USP36: variants seen among roughly 807,000 people sequenced by gnomAD.
USP36 encodes the protein ubiquitin carboxyl-terminal hydrolase 36.
USP36 carries 59 observed loss-of-function variants against 111.5 expected under a neutral mutation model. That is an observed-to-expected ratio of 0.53 (90% CI 0.43 to 0.66). The LOEUF is 0.66. Among genes scored for constraint, USP36 ranks in the 30% least tolerant of loss-of-function variants. The pLI is 0.00. For missense variants in USP36, 1,488 were observed against 1,468.0 expected (o/e 1.01, Z -0.22); for synonymous variants, 628 against 581.0 (o/e 1.08, Z -1.16).
chr17:78,806,335 C>T (rs200961471), intron 14 of USP36, 49 bp from the exon 15 acceptor site: 67 of 1,608,582 alleles, frequency 4.2e-5, no homozygotes, highest in African/African-American at 2.3e-4. Context: ...AAAAGGTTTC[C>T]GTGAGTGAAG....
At position 78,805,786 on chromosome 17, in the gene USP36, C is replaced by T. The variant is rs75241026; in HGVS notation, c.2216+370G>A. On this transcript the variant is annotated intron_variant, in intron 15 of 20. Transcript: ENST00000449938. ...GGACTCCGAGCTCACTCAAGCCTCT[C>T]GCCAAGGCCTCACTTCGCCTTTCTC... Among the ~76,000 whole-genome samples the T allele has an allele frequency of 8.8e-3, 1,334 of 152,318 alleles. 23 individuals are homozygous for T. The highest frequency in any genetic ancestry group is 0.03 in the African/African-American group (1,266 of 41,564).
intron 13 of USP36, among the ~76,000 whole-genome samples, chr17:78,811,488 A>T (rs896361711): frequency 3.3e-5 from 5 of 152,348 alleles, no homozygotes; most frequent in African/African-American, 1.2e-4. Context: ...ATTTCCAAAG[A>T]ACAAAGACAC....
In USP36 at chr17:78,828,751, T is replaced by C. The variant is rs1056861928; in HGVS notation, c.586+146A>G. 6.8e-6 allele frequency: 5 copies of C among 737,130 alleles called. No individual in the cohort carries two copies. The African/African-American group carries it at 8.9e-5, about 13-fold the overall frequency. 45.7% of individuals were successfully genotyped at this position (737,130 alleles called of 1,614,324 possible). ...ATGGCACAGTGGCTCGTGTCTGTAA[T>C]CCCAACACTTTGGCAGGCCAAAACG... On this transcript the variant is annotated intron_variant, in intron 5 of 20. Transcript: ENST00000449938.
In USP36 at chr17:78,798,653, A is replaced by C; in HGVS notation, c.3241-102T>G. On this transcript the variant is annotated intron_variant, in intron 19 of 20. Transcript: ENST00000449938. This position sits in a 1 kb window ranked among gnomAD's most constrained non-coding sequence, Gnocchi z 5.1. ...GGTCCTGCACACAGGCCGGGCTCTC[A>C]TGAGCTCTCTGGAGACCCACTCTTC... The C allele has an allele frequency of 2.3e-5, 35 of 1,551,470 alleles. No homozygotes were observed. Among genetic ancestry groups the C allele is most frequent in the African/African-American group, 4.1e-5 (3 of 73,362 alleles).
At chr17:78,813,628 C>G in intron 12 of USP36, 145 bp downstream of exon 12, 1 of 690,240 alleles carries the variant, frequency 1.4e-6, no homozygotes, top group East Asian at 2.7e-5. Context: ...AGTGTCCTTC[C>G]CTGTGGACGG....
Position 78,836,111 on chromosome 17 carries a change from C to T in USP36, c.253G>A (p.Gly85Ser). The T allele has an allele frequency of 6.8e-6, 11 of 1,613,106 alleles. No homozygotes were observed. The highest frequency in any genetic ancestry group is 9.3e-6 in the Non-Finnish European group (11 of 1,180,024). ...SGDDPPARRQ[G>S]SEHTYESCGD... ...CTGCCAGCACACTGCACATCTGTAC[C>T]CTGTCTCCTGGCCGGTGGGTCATCT... is the stretch of plus-strand genomic sequence containing the variant. Residue 85 changes from glycine (G) to serine (S), a missense_variant and splice_region_variant, in exon 3 of 21, where the codon GGC (glycine) becomes AGC (serine). Physicochemically the swap from Gly to Ser is moderately conservative, Grantham distance 56. Coordinates refer to ENST00000449938, the MANE Select transcript of USP36 (RefSeq NM_001385174.1).
chr17:78,802,124 G>A (rs1335403892), intron 17 of USP36, among the ~76,000 whole-genome samples, 200 bp downstream of exon 17: 4 of 117,774 alleles, frequency 3.4e-5, no homozygotes, highest in Admixed American at 8.8e-5. Flanking sequence ...ACACCCACGC[G>A]GTCCCCCAAC....
intron 10 of USP36, 133 bp downstream of exon 10, chr17:78,818,534 G>A (rs962797916): frequency 7.8e-6 from 6 of 765,346 alleles, no homozygotes; most frequent in South Asian, 1.7e-5. Context: ...CACAATATGT[G>A]TAGAACCTTT....
At chr17:78,823,018 C>T (rs575142944) in intron 6 of USP36, 9 of 397,492 alleles carry the variant, frequency 2.3e-5, no homozygotes, top group Admixed American at 1.3e-4. Flanking sequence ...ACGTTTCCCA[C>T]GGCCACCCAG....
rs1355925462 is a variant in USP36, at chr17:78,804,627, A to T, written c.2217-649T>A. Among the ~76,000 whole-genome samples, 169 of 93,934 alleles carry T rather than the reference A, an allele frequency of 1.8e-3. 2 individuals carry two copies. The highest frequency in any genetic ancestry group is 7.7e-3 in the African/African-American group (165 of 21,448). The allele number at this position is 93,934 out of a possible 152,430, so 61.6% of individuals were successfully genotyped here. On this transcript the variant is annotated intron_variant, in intron 15 of 20. Coordinates refer to ENST00000449938, the MANE Select transcript of USP36 (RefSeq NM_001385174.1). ...TAAAATAACTGATCCCTGAGATTTA[A>T]AAAAAAAAAAAAAAAAAAAAAAAAA...
At chr17:78,789,645 T>C (rs1239757501) in intron 3 of USP36, among the ~76,000 whole-genome samples, 1 of 152,224 alleles carries the variant, frequency 6.6e-6, no homozygotes, top group Non-Finnish European at 1.5e-5. Context: ...CAATTTCTTC[T>C]GTGTGTAAAT....
chr17:78,808,313 T>C (rs1048658248), intron 13 of USP36, among the ~76,000 whole-genome samples: 25 of 152,250 alleles, frequency 1.6e-4, no homozygotes, highest in African/African-American at 5.8e-4. Context: ...CATGATGATG[T>C]CATCATAACT....
At chr17:78,834,335 TAA>T (rs2068445649) in intron 4 of USP36, among the ~76,000 whole-genome samples, 1 of 152,122 alleles carries the variant, frequency 6.6e-6, no homozygotes, top group African/African-American at 2.4e-5. Flanking sequence ...CTTTAATAGT[TAA>T]AAGACTCTTC....
chr17:78,813,642 C>T (rs2094118681), intron 12 of USP36, 131 bp downstream of exon 12: 1 of 793,556 alleles, frequency 1.3e-6, no homozygotes, highest in Non-Finnish European at 2.1e-6. Context: ...TGGACGGTCT[C>T]TATGACACAT....
At chr17:78,799,838 C>T in intron 17 of USP36, 70 bp from the exon 18 acceptor site, 1 of 915,040 alleles carries the variant, frequency 1.1e-6, no homozygotes, top group Non-Finnish European at 1.6e-6. Context: ...AATCGCACAC[C>T]TTAAATTATA....
intron 13 of USP36, among the ~76,000 whole-genome samples, chr17:78,812,161 TG>T (rs1009692473): frequency 2.0e-5 from 3 of 151,932 alleles, no homozygotes; most frequent in African/African-American, 7.3e-5. Context: ...TACTCCAGTC[TG>T]GGTAACAGAG....
rs1314309562 is a variant in USP36, at chr17:78,799,648, C to G, written c.3124+19G>C. On this transcript the variant is annotated intron_variant, in intron 18 of 20. Transcript: ENST00000449938. ...CAACCAATGAAAGGCAAACAGAAGTCCTGTCTCCAAATCAGTACCTTTTCT... is the reference window on the plus strand; with the variant it reads ...CAACCAATGAAAGGCAAACAGAAGTGCTGTCTCCAAATCAGTACCTTTTCT... The G allele has an allele frequency of 1.2e-6, 2 of 1,609,580 alleles. No homozygotes were observed. Among genetic ancestry groups the G allele is most frequent in the Admixed American group, 1.7e-5 (1 of 59,492 alleles).
chr17:78,821,401 TATATATATATA>T (rs2094318793), intron 7 of USP36: 2 of 54,810 alleles, frequency 3.6e-5, no homozygotes, highest in African/African-American at 1.9e-4. Flanking sequence ...TATATATATA[TATATATATATA>T]TATATATATT....
At position 78,807,071 on chromosome 17, in the gene USP36, G is replaced by A. The variant is rs572232460; in HGVS notation, c.1973C>T (p.Ala658Val). Residue 658 changes from alanine to valine, a missense_variant, in exon 14 of 21, where the codon GCA becomes GTA. Ala to Val is a moderately conservative substitution (Grantham distance 64). Around this residue, in one of 3 missense-constraint regions of USP36, gnomAD observed 1,073 missense variants for 994.1 expected, o/e 1.08. Transcript: ENST00000449938. Reference protein sequence around the residue: ...AGHSKTPPSGADSKTVKLKSP... With the variant: ...AGHSKTPPSGVDSKTVKLKSP... ...CTTCAGCTTCACCGTCTTAGAATCT[G>A]CTCCACTTGGCGGCGTTTTGGAGTG... The A allele has an allele frequency of 6.8e-6, 11 of 1,614,230 alleles. No individual in the cohort carries two copies. The African/African-American group carries it at 1.3e-4, about 20-fold the overall frequency.
Sources: allele counts gnomAD v4.1 joint callset (sites outside exome capture counted in the v4.1 genomes callset), GRCh38; gene constraint gnomAD v4.1.1; regional missense constraint gnomAD v4.1.1; non-coding constraint Gnocchi (gnomAD v3.1); transcripts MANE v1.5; gene names NCBI Gene and HGNC (gene_info 2026-07-23, HGNC 2026-07-21).